The following SP140 variants were observed in gnomAD, a reference collection of about 807,000 sequenced individuals.
SP140 encodes SP140 nuclear body protein.
A neutral mutation model predicts 125.0 loss-of-function variants in SP140; 81 were observed. The ratio of observed to expected loss-of-function variants is 0.65; its 90% CI spans 0.54 to 0.78. The LOEUF (loss-of-function observed/expected upper bound fraction) is 0.78. Among genes scored for constraint, SP140 ranks in the 30% least tolerant of loss-of-function variants. The pLI, the probability that SP140 is intolerant of heterozygous loss-of-function variation, is 0.00. For synonymous variants in SP140, 312 were observed against 354.0 expected, an observed-to-expected ratio of 0.88 and a Z score of 1.33; for missense variants, 858 against 1,037.0, an observed-to-expected ratio of 0.83 and a Z score of 2.37.
At chr2:230,226,235 A>T (rs962310325) in intron 1 of SP140, among the ~76,000 whole-genome samples, 9 of 152,068 alleles carry the variant, frequency 5.9e-5, no homozygotes, top group Non-Finnish European at 1.5e-5. Flanking sequence ...GGCCTCCTTT[A>T]TCCCCACTCC....
Position 230,208,120 on chromosome 2 carries a change from A to G in SP140, c.-323+4841A>G, listed in dbSNP as rs924154101. On this transcript the variant is annotated intron_variant, in intron 1 of 4. Coordinates refer to the SP140 transcript ENST00000456542. ...ATTGATCTCCCAATCTTGTATGTCAATGATATTCAGCTTTTACTTTTGGTC... is the reference window on the plus strand; with the variant it reads ...ATTGATCTCCCAATCTTGTATGTCAGTGATATTCAGCTTTTACTTTTGGTC... 28 of 965,588 alleles carry G rather than the reference A, an allele frequency of 2.9e-5. No homozygotes were observed. The Admixed American group carries it at 4.0e-4, about 14-fold the overall frequency. 59.8% of individuals were successfully genotyped at this position (965,588 alleles called of 1,614,324 possible).
At chr2:230,308,591 C>T (rs887542849) in intron 22 of SP140, among the ~76,000 whole-genome samples, 5 of 152,224 alleles carry the variant, frequency 3.3e-5, no homozygotes, top group Non-Finnish European at 4.4e-5. Flanking sequence ...ATGGGGGCTG[C>T]GCTCAGGAAC....
At chr2:230,253,525 G>C in intron 11 of SP140, 108 bp downstream of exon 11, 1 of 782,392 alleles carries the variant, frequency 1.3e-6, no homozygotes, top group South Asian at 1.6e-5. Flanking sequence ...CTTCACATTC[G>C]CATACATACA....
At chr2:230,238,872 G>T in intron 3 of SP140, 1 of 1,552,126 alleles carries the variant, frequency 6.4e-7, no homozygotes. Context: ...AGCTGCATGT[G>T]AAAGCTATGA....
At chr2:230,293,425 C>T (rs1423698588) in intron 20 of SP140, among the ~76,000 whole-genome samples, 1 of 152,204 alleles carries the variant, frequency 6.6e-6, no homozygotes, top group Non-Finnish European at 1.5e-5. Context: ...CAACCTCCAC[C>T]TCCCAGATTC....
At chr2:230,219,634 A>G (rs2045612565) in intron 3 of SP140, 4 of 152,216 alleles carry the variant, frequency 2.6e-5, no homozygotes, top group Non-Finnish European at 4.4e-5. Context: ...GTGAGGGTAG[A>G]GGGCAAATCT....
At chr2:230,210,085 C>T in intron 1 of SP140, 1 of 888,140 alleles carries the variant, frequency 1.1e-6, no homozygotes, top group South Asian at 1.3e-5. Context: ...AATGCAAGAA[C>T]TAGAAAAGTA....
chr2:230,212,909 A>C (rs2148926467), intron 1 of SP140: 1 of 1,613,684 alleles, frequency 6.2e-7, no homozygotes. Context: ...AGCTTGGTTG[A>C]GGGGGTTGTG....
intron 1 of SP140, 136 bp from the exon 2 acceptor site, chr2:230,236,947 C>G (rs1209432792): frequency 2.1e-5 from 12 of 560,024 alleles, no homozygotes; most frequent in South Asian, 3.5e-5. Flanking sequence ...TCCATTCATT[C>G]TGGTCTCCCT....
At chr2:230,278,209 G>A (rs1377193363) in intron 15 of SP140, among the ~76,000 whole-genome samples, 4 of 152,024 alleles carry the variant, frequency 2.6e-5, no homozygotes, top group Admixed American at 1.3e-4. Flanking sequence ...TTATGGTTTT[G>A]AGTTACAATT....
At chr2:230,198,689 G>C (rs1240941170), upstream of SP140, among the ~76,000 whole-genome samples, 1 of 151,984 alleles carries the variant, frequency 6.6e-6, no homozygotes, top group Non-Finnish European at 1.5e-5. Context: ...CTGCCTCCTG[G>C]GTTCAAGCAA....
At chr2:230,245,779 C>T (rs1451846845) in intron 6 of SP140, 84 bp from the exon 7 acceptor site, 5 of 878,794 alleles carry the variant, frequency 5.7e-6, no homozygotes, top group Non-Finnish European at 7.6e-6. Flanking sequence ...CAGTTCTACA[C>T]CCGAATATTA....
At chr2:230,305,532 C>T (rs1286695866) in intron 22 of SP140, among the ~76,000 whole-genome samples, 2 of 152,254 alleles carry the variant, frequency 1.3e-5, no homozygotes, top group South Asian at 2.1e-4. Flanking sequence ...GCCCTGGGAG[C>T]CTTCCTCTGG....
intron 15 of SP140, among the ~76,000 whole-genome samples, chr2:230,279,221 T>C (rs1000437848): frequency 5.9e-5 from 9 of 152,028 alleles, no homozygotes; most frequent in Admixed American, 2.6e-4. Context: ...AAGAATAGTG[T>C]TAAAATGTCC....
rs1206309054 is a variant in SP140, at chr2:230,258,235, G to A, written c.1240+2703G>A. 2.6e-5 allele frequency among the ~76,000 whole-genome samples: 4 copies of A among 152,198 alleles called. No homozygotes were observed. The East Asian group carries it at 5.8e-4, about 22-fold the overall frequency. ...TTTCCCCATCCAAGATGTCTTTTCT[G>A]GAAGAGGACCCTGGAAACAAAATCC... On this transcript the variant is annotated intron_variant, in intron 12 of 26. Coordinates refer to ENST00000392045, the MANE Select transcript of SP140 (RefSeq NM_007237.5).
At chr2:230,304,363 A>C (rs1184047415) in intron 22 of SP140, among the ~76,000 whole-genome samples, 1 of 152,236 alleles carries the variant, frequency 6.6e-6, no homozygotes, top group Non-Finnish European at 1.5e-5. Flanking sequence ...AATTCCCATC[A>C]AAATACCATG....
At chr2:230,190,740 G>A in the SP140 span, among the ~76,000 whole-genome samples, 387 of 152,344 alleles carry the variant, frequency 2.5e-3, 1 homozygote, top group African/African-American at 8.6e-3. Context: ...TGTATAAGAT[G>A]TGAGGAAGGG....
intron 1 of SP140, among the ~76,000 whole-genome samples, chr2:230,206,132 T>A (rs1249731186): frequency 6.6e-6 from 1 of 152,180 alleles, no homozygotes; most frequent in Non-Finnish European, 1.5e-5. Context: ...AATGATAAAC[T>A]AAGTCAGGGA....
At chr2:230,266,803 G>A (rs2053195179) in intron 12 of SP140, among the ~76,000 whole-genome samples, 2 of 152,178 alleles carry the variant, frequency 1.3e-5, no homozygotes, top group Admixed American at 6.5e-5. Flanking sequence ...CTTGAAGCCA[G>A]CAATCTTGTG....
Sources: gnomAD v4.1 joint callset for allele counts (sites outside exome capture counted in the v4.1 genomes callset) on GRCh38, gnomAD v4.1.1 for gene constraint, MANE v1.5 for transcripts, NCBI Gene and HGNC (gene_info 2026-07-23, HGNC 2026-07-21) for gene names.